The following ULK4 variants were observed in gnomAD, a reference collection of about 807,000 sequenced individuals.
ULK4 encodes the protein unc-51 like kinase 4, also known as inactive serine/threonine-protein kinase ULK4.
Under a neutral mutation model 160.6 loss-of-function variants are expected in ULK4, and 133 were observed. The observed-to-expected ratio is 0.83, with a 90% CI of 0.72 to 0.96. The LOEUF is 0.96. ULK4 is among the 40% of genes least tolerant of loss of function. The pLI is 0.00. For synonymous variants in ULK4, 534 were observed against 539.8 expected (o/e 0.99, Z 0.15); for missense variants, 1,580 against 1,499.5 (o/e 1.05, Z -0.89).
intron 32 of ULK4, among the ~76,000 whole-genome samples, chr3:41,530,281 G>A (rs980954229): frequency 2.0e-5 from 3 of 152,110 alleles, no homozygotes; most frequent in African/African-American, 4.8e-5. Context: ...CTCTAAGGAA[G>A]GGGGACACAG....
chr3:41,918,468 G>A lies in ULK4; in HGVS notation c.716C>T (p.Pro239Leu), dbSNP rs376558390. The change falls in exon 7 of 37, where the codon CCT (proline) becomes CTT (leucine). Residue 239 changes from proline to leucine, a missense_variant. Physicochemically the swap from Pro to Leu is moderately conservative, Grantham distance 98 (BLOSUM62 -3). Coordinates refer to ENST00000301831, the MANE Select transcript of ULK4 (RefSeq NM_017886.4). ...EKILCEDPLP[P>L]IPKDSSRPKA... ...ATAAGAAATCTTACCTTTCGGAATA[G>A]GTGGCAAAGGATCTTCACATAAGAT... 3 of 1,580,278 alleles carry A rather than the reference G, an allele frequency of 1.9e-6. No homozygotes were observed. Among genetic ancestry groups the A allele is most frequent in the African/African-American group, 2.7e-5 (2 of 73,894 alleles).
chr3:41,423,795 C>T lies in ULK4; in HGVS notation c.3493-25531G>A, dbSNP rs2082714457. On this transcript the variant is annotated intron_variant, in intron 34 of 36. Transcript: ENST00000301831. ...ACACAGGGCAAGGGAGCTCCCACCC[C>T]CAGCCAGAGAGGCAGTGAGTGATCA... 2.6e-5 allele frequency among the ~76,000 whole-genome samples: 4 copies of T among 152,264 alleles called. No individual in the cohort carries two copies. The South Asian group carries it at 6.2e-4, about 24-fold the overall frequency.
chr3:41,835,816 T>C (rs1175342628), intron 18 of ULK4, 48 bp downstream of exon 18: 2 of 1,374,848 alleles, frequency 1.5e-6, no homozygotes, highest in East Asian at 2.3e-5. Context: ...TCAGCCAGAG[T>C]ATGTCAGAAC....
intron 20 of ULK4, among the ~76,000 whole-genome samples, chr3:41,796,449 G>A (rs918128429): frequency 1.4e-4 from 21 of 151,994 alleles, no homozygotes; most frequent in African/African-American, 3.6e-4. Flanking sequence ...AAAATTAACC[G>A]GATGTGGTGG....
chr3:41,814,103 T>C (rs1182378280), intron 19 of ULK4, among the ~76,000 whole-genome samples: 1 of 152,232 alleles, frequency 6.6e-6, no homozygotes, highest in Non-Finnish European at 1.5e-5. Flanking sequence ...GCTGTCCTCC[T>C]GTGGCAGGTC....
chr3:41,956,302 A>G (rs921784576), intron 1 of ULK4, among the ~76,000 whole-genome samples: 1 of 152,174 alleles, frequency 6.6e-6, no homozygotes, highest in Non-Finnish European at 1.5e-5. Context: ...GGTGAGCGTG[A>G]AGAGGCCAGT....
chr3:41,931,475 A>T (rs1167070467), intron 5 of ULK4, among the ~76,000 whole-genome samples: 4 of 151,746 alleles, frequency 2.6e-5, no homozygotes, highest in African/African-American at 9.7e-5. Flanking sequence ...GAACTTAAAA[A>T]AAAAAAAAAA....
intron 16 of ULK4, among the ~76,000 whole-genome samples, chr3:41,886,485 T>A (rs1379602938): frequency 6.6e-6 from 1 of 152,026 alleles, no homozygotes; most frequent in Non-Finnish European, 1.5e-5. Flanking sequence ...ATTTCCAATG[T>A]AAATCTCAGT....
chr3:41,503,443 A>G (rs911948494), intron 32 of ULK4, among the ~76,000 whole-genome samples: 8 of 152,324 alleles, frequency 5.3e-5, no homozygotes, highest in South Asian at 2.1e-4. Flanking sequence ...TGACAACCTC[A>G]GGATGTGTAA....
At chr3:41,924,581 T>C (rs1699312689) in intron 5 of ULK4, among the ~76,000 whole-genome samples, 1 of 152,220 alleles carries the variant, frequency 6.6e-6, no homozygotes, top group Admixed American at 6.5e-5. Context: ...TTGACCTTGT[T>C]TTCTATAAAA....
intron 35 of ULK4, among the ~76,000 whole-genome samples, chr3:41,302,635 A>T (rs1015052973): frequency 6.6e-6 from 1 of 152,246 alleles, no homozygotes; most frequent in Non-Finnish European, 1.5e-5. Flanking sequence ...GATGTGGTGC[A>T]GCTTTATTTG....
chr3:41,495,338 T>C (rs1413558685), intron 32 of ULK4, among the ~76,000 whole-genome samples: 1 of 152,124 alleles, frequency 6.6e-6, no homozygotes, highest in Non-Finnish European at 1.5e-5. Flanking sequence ...AAGGATTCCC[T>C]ATTTAACAAA....
intron 4 of ULK4, among the ~76,000 whole-genome samples, chr3:41,934,136 CAATG>C (rs1699686899): frequency 6.6e-6 from 1 of 152,144 alleles, no homozygotes; most frequent in African/African-American, 2.4e-5. Context: ...AGACATGTAA[CAATG>C]AATTACATGA....
intron 35 of ULK4, among the ~76,000 whole-genome samples, chr3:41,252,183 T>G (rs1351581748): frequency 1.3e-5 from 2 of 152,202 alleles, no homozygotes; most frequent in East Asian, 3.8e-4. Flanking sequence ...TCTGTAGTAT[T>G]TAACAAGACA....
At chr3:41,395,552 G>A (rs371776773) in intron 35 of ULK4, among the ~76,000 whole-genome samples, 2 of 152,044 alleles carry the variant, frequency 1.3e-5, no homozygotes, top group African/African-American at 2.4e-5. Flanking sequence ...AATTCCACTC[G>A]TACGAGGTAC....
rs374848169 is a variant in ULK4 at position 41,451,312 on chromosome 3, C to T, written c.3492+4185G>A. On this transcript the variant is annotated intron_variant, in intron 34 of 36. Transcript: ENST00000301831. Reference sequence around the variant, plus strand: ...CTATAAAGAAGGTTCCAAGAATCGTCTTGTAAAGAATCCTAAACTGAGCAG... The same window carrying T: ...CTATAAAGAAGGTTCCAAGAATCGTTTTGTAAAGAATCCTAAACTGAGCAG... Among the ~76,000 whole-genome samples the T allele has an allele frequency of 2.0e-5, 3 of 151,850 alleles. No homozygotes were observed. In the South Asian group the frequency reaches 6.2e-4, roughly 32 times the overall value.
chr3:41,502,397 T>C (rs574455255), intron 32 of ULK4, among the ~76,000 whole-genome samples: 1 of 152,362 alleles, frequency 6.6e-6, no homozygotes, highest in African/African-American at 2.4e-5. Flanking sequence ...GGGCAGTTTC[T>C]TGTAAAGTTT....
chr3:41,675,628 T>C (rs2035687152), intron 29 of ULK4, among the ~76,000 whole-genome samples: 1 of 152,026 alleles, frequency 6.6e-6, no homozygotes, highest in Non-Finnish European at 1.5e-5. Flanking sequence ...AAGATCATCC[T>C]GGATTTAGGA....
At chr3:41,633,169 C>T (rs993392281) in intron 30 of ULK4, among the ~76,000 whole-genome samples, 1 of 152,212 alleles carries the variant, frequency 6.6e-6, no homozygotes, top group Non-Finnish European at 1.5e-5. Context: ...TGCTGAGTTG[C>T]TTGAACATTA....
Sources: allele counts gnomAD v4.1 joint callset (sites outside exome capture counted in the v4.1 genomes callset), GRCh38; gene constraint gnomAD v4.1.1; transcripts MANE v1.5; gene names NCBI Gene and HGNC (gene_info 2026-07-23, HGNC 2026-07-21).